LARGE1: variants seen among roughly 807,000 people sequenced by gnomAD.
LARGE1 encodes LARGE xylosyl- and glucuronyltransferase 1.
In LARGE1, 43 loss-of-function variants were observed where a neutral mutation model predicts 87.6. The ratio of observed to expected loss-of-function variants is 0.49; its 90% confidence interval spans 0.38 to 0.63. The LOEUF is 0.63. Ranked by LOEUF, LARGE1 falls within the 30% of genes least tolerant of loss-of-function variation. LARGE1 has a pLI of 0.00. For missense variants in LARGE1, 802 were observed against 1,000.2 expected (o/e 0.80, Z 2.67); for synonymous variants, 434 against 394.6 (o/e 1.10, Z -1.18).
intron 7 of LARGE1, among the ~76,000 whole-genome samples, chr22:33,398,167 T>C (rs950991228): frequency 9.6e-4 from 146 of 151,922 alleles, no homozygotes; most frequent in Non-Finnish European, 5.0e-4. Flanking sequence ...CATGGGTGGG[T>C]GATGCCTGCT....
intron 6 of LARGE1, among the ~76,000 whole-genome samples, chr22:33,527,327 C>T (rs1421689284): frequency 6.6e-6 from 1 of 152,144 alleles, no homozygotes; most frequent in Non-Finnish European, 1.5e-5. Context: ...CTCTGTTTTC[C>T]CAAGCGTACT....
intron 7 of LARGE1, among the ~76,000 whole-genome samples, chr22:33,424,418 G>T (rs1462653446): frequency 6.6e-6 from 1 of 152,172 alleles, no homozygotes; most frequent in East Asian, 1.9e-4. Context: ...GAAGGTTTTG[G>T]AAGGATGCTC....
At chr22:33,079,328 C>T in the LARGE1 span, among the ~76,000 whole-genome samples, 3 of 149,514 alleles carry the variant, frequency 2.0e-5, no homozygotes, top group African/African-American at 7.4e-5. Flanking sequence ...CCTGGGTTCA[C>T]GCCATTCTCC....
At chr22:33,778,881 C>A (rs1190371097) in intron 1 of LARGE1, among the ~76,000 whole-genome samples, 1 of 152,108 alleles carries the variant, frequency 6.6e-6, no homozygotes, top group Non-Finnish European at 1.5e-5. Context: ...GAACTCTCGA[C>A]CTCAGGTGAT....
At chr22:33,843,007 TG>T (rs533243773) in intron 1 of LARGE1, among the ~76,000 whole-genome samples, 3 of 152,048 alleles carry the variant, frequency 2.0e-5, no homozygotes, top group Admixed American at 2.0e-4. Flanking sequence ...TTTGTTCCTC[TG>T]GGGGGGTCCT....
chr22:33,499,803 C>T (rs1330574025), intron 6 of LARGE1, among the ~76,000 whole-genome samples: 1 of 152,136 alleles, frequency 6.6e-6, no homozygotes, highest in Non-Finnish European at 1.5e-5. Flanking sequence ...GATGAAGTCT[C>T]GCTCTGTCCA....
chr22:33,570,970 G>A (rs950195859), intron 5 of LARGE1, among the ~76,000 whole-genome samples: 1 of 152,126 alleles, frequency 6.6e-6, no homozygotes, highest in African/African-American at 2.4e-5. Context: ...GCACCCCATA[G>A]AGAAGTCAAC....
the LARGE1 span, among the ~76,000 whole-genome samples, chr22:33,094,365 T>C: frequency 6.6e-6 from 1 of 152,016 alleles, no homozygotes; most frequent in Admixed American, 6.6e-5. Context: ...CCCTTTCAAC[T>C]CCAATTCCCT....
downstream of LARGE1, among the ~76,000 whole-genome samples, chr22:33,270,528 A>C (rs1484256115): frequency 6.6e-6 from 1 of 152,166 alleles, no homozygotes; most frequent in Non-Finnish European, 1.5e-5. Flanking sequence ...TCTGGGAGCT[A>C]GTTTTATTAG....
intron 1 of LARGE1, among the ~76,000 whole-genome samples, chr22:33,915,233 T>A (rs1601909792): frequency 6.6e-6 from 1 of 152,130 alleles, no homozygotes. Context: ...AGTTTCCTCA[T>A]CCCAAGAAAC....
the LARGE1 span, among the ~76,000 whole-genome samples, chr22:33,156,210 A>G: frequency 6.0e-4 from 92 of 152,262 alleles, 1 homozygote; most frequent in African/African-American, 2.1e-3. Context: ...TGGAGCTGTG[A>G]GAAGAGGGCC....
chr22:33,657,937 GAAAAA>G (rs201427735), intron 2 of LARGE1, among the ~76,000 whole-genome samples: 1 of 141,040 alleles, frequency 7.1e-6, no homozygotes, highest in Non-Finnish European at 1.6e-5. Flanking sequence ...TTTGACTAAT[GAAAAA>G]AAAAAAAGAG....
At chr22:33,591,379 A>C (rs2078834632) in intron 5 of LARGE1, among the ~76,000 whole-genome samples, 1 of 152,078 alleles carries the variant, frequency 6.6e-6, no homozygotes, top group Non-Finnish European at 1.5e-5. Context: ...ATGGTCTTTA[A>C]TTTGCATTTC....
chr22:33,448,869 C>T (rs2067796171), intron 6 of LARGE1, among the ~76,000 whole-genome samples: 1 of 152,184 alleles, frequency 6.6e-6, no homozygotes, highest in African/African-American at 2.4e-5. Context: ...GTTCCAAGGA[C>T]CTGAAGTCTT....
chr22:33,077,803 GT>G, the LARGE1 span, among the ~76,000 whole-genome samples: 1 of 152,132 alleles, frequency 6.6e-6, no homozygotes, highest in African/African-American at 2.4e-5. Context: ...TGACGGTGCA[GT>G]TTAAGGTTCA....
At chr22:33,411,604 A>G (rs1302350863) in intron 7 of LARGE1, among the ~76,000 whole-genome samples, 1 of 152,250 alleles carries the variant, frequency 6.6e-6, no homozygotes, top group Non-Finnish European at 1.5e-5. Flanking sequence ...CATTTAATAT[A>G]GCAGTACCAG....
rs5999020 is a variant in LARGE1, at chr22:33,576,627, G to A, written c.616-11608C>T. Among the ~76,000 whole-genome samples, 22 of 152,148 alleles carry A rather than the reference G, an allele frequency of 1.4e-4. No homozygotes were observed. In the East Asian group the frequency reaches 2.1e-3, roughly 15 times the overall value. ...TATGCTCATATATACAGATATCACC[G>A]CGAAAGCACATGGATAAACATGTGT... On this transcript the variant is annotated intron_variant, in intron 5 of 14. Transcript: ENST00000397394.
chr22:33,721,295 C>T (rs1205709275), intron 2 of LARGE1, among the ~76,000 whole-genome samples: 1 of 152,184 alleles, frequency 6.6e-6, no homozygotes, highest in Admixed American at 6.5e-5. Flanking sequence ...CAGAGCAAAA[C>T]ACACATTCCT....
At chr22:33,505,117 C>T (rs532145743) in intron 6 of LARGE1, among the ~76,000 whole-genome samples, 2 of 152,348 alleles carry the variant, frequency 1.3e-5, no homozygotes, top group South Asian at 2.1e-4. Flanking sequence ...ATTACACAGT[C>T]TCGTGAGCAC....
Sources: gnomAD v4.1 joint callset for allele counts (sites outside exome capture counted in the v4.1 genomes callset) on GRCh38, gnomAD v4.1.1 for gene constraint, MANE v1.5 for transcripts, NCBI Gene and HGNC (gene_info 2026-07-23, HGNC 2026-07-21) for gene names.